Variants in REDIC1 observed in about 807,000 individuals in gnomAD.
REDIC1 encodes the protein regulator of DNA class I crossover intermediates 1.
the REDIC1 span, among the ~76,000 whole-genome samples, chr12:39,686,740 G>C: frequency 6.6e-6 from 1 of 152,164 alleles, no homozygotes; most frequent in Non-Finnish European, 1.5e-5. Flanking sequence ...ACATGGCCAG[G>C]CTGCAAATTT....
At chr12:39,756,240 T>G in the REDIC1 span, 1 of 151,970 alleles carries the variant, frequency 6.6e-6, no homozygotes, top group Non-Finnish European at 1.5e-5. Context: ...AACCACAATT[T>G]AATACATTTT....
the REDIC1 span, among the ~76,000 whole-genome samples, chr12:39,661,409 G>A: frequency 0.13 from 19,214 of 151,916 alleles, 1,365 homozygotes; most frequent in East Asian, 0.17. Flanking sequence ...GACTAGTGAC[G>A]TTGAGCATTT....
At chr12:39,740,457 A>G in the REDIC1 span, among the ~76,000 whole-genome samples, 9 of 152,220 alleles carry the variant, frequency 5.9e-5, no homozygotes, top group Admixed American at 5.9e-4. Context: ...TCAAATTAAT[A>G]GGAAATAGGC....
chr12:39,786,769 G>T, the REDIC1 span, among the ~76,000 whole-genome samples: 1 of 152,150 alleles, frequency 6.6e-6, no homozygotes, highest in Non-Finnish European at 1.5e-5. Context: ...TACTCAAGGG[G>T]TTAAGTGGTC....
At chr12:39,711,946 T>C in the REDIC1 span, among the ~76,000 whole-genome samples, 4 of 128,560 alleles carry the variant, frequency 3.1e-5, 1 homozygote, top group Admixed American at 3.0e-4. Context: ...TATAGACATG[T>C]ATACATACAT....
At chr12:39,882,276 A>G in the REDIC1 span, among the ~76,000 whole-genome samples, 1 of 152,142 alleles carries the variant, frequency 6.6e-6, no homozygotes, top group Non-Finnish European at 1.5e-5. Flanking sequence ...AGAATTTCTG[A>G]TTCAGTAGGT....
the REDIC1 span, among the ~76,000 whole-genome samples, chr12:39,635,733 G>A: frequency 6.6e-6 from 1 of 152,008 alleles, no homozygotes; most frequent in African/African-American, 2.4e-5. Context: ...CATGGCACGT[G>A]TATAGCTACG....
the REDIC1 span, chr12:39,759,861 GTCA>G: frequency 1.8e-6 from 1 of 566,130 alleles, no homozygotes; most frequent in Non-Finnish European, 3.1e-6. Context: ...GAAAAAAAAA[GTCA>G]TCATGGTTGT....
chr12:39,721,054 C>T, the REDIC1 span: 10 of 1,613,676 alleles, frequency 6.2e-6, no homozygotes, highest in Non-Finnish European at 8.5e-6. Context: ...CTGCGTTCTG[C>T]AGGCTGCAAG....
the REDIC1 span, among the ~76,000 whole-genome samples, chr12:39,802,749 A>G: frequency 6.6e-6 from 1 of 152,208 alleles, no homozygotes; most frequent in Non-Finnish European, 1.5e-5. Context: ...AAAGATAGAT[A>G]TGAATATGTA....
the REDIC1 span, among the ~76,000 whole-genome samples, chr12:39,716,558 A>G: frequency 2.0e-5 from 3 of 152,052 alleles, no homozygotes; most frequent in African/African-American, 7.2e-5. Flanking sequence ...AAATCTTTTA[A>G]GGGTAAAATA....
At chr12:39,643,707 C>T in the REDIC1 span, 1 of 1,111,032 alleles carries the variant, frequency 9.0e-7, no homozygotes. Context: ...AACATGATTG[C>T]TTTTTTATTA....
the REDIC1 span, among the ~76,000 whole-genome samples, chr12:39,680,271 A>G: frequency 1.3e-5 from 2 of 152,184 alleles, no homozygotes; most frequent in Admixed American, 6.5e-5. Context: ...AAGGAACTCA[A>G]ATCAGTAAGA....
chr12:39,736,653 A>T, the REDIC1 span: 4 of 152,242 alleles, frequency 2.6e-5, no homozygotes, highest in Non-Finnish European at 5.9e-5. Flanking sequence ...CATGGTTTCC[A>T]AGGCTATGTC....
chr12:39,751,859 A>G, the REDIC1 span, among the ~76,000 whole-genome samples: 1 of 152,182 alleles, frequency 6.6e-6, no homozygotes, highest in Admixed American at 6.5e-5. Flanking sequence ...CAATGAGAAC[A>G]CTTGGACACA....
the REDIC1 span, among the ~76,000 whole-genome samples, chr12:39,712,278 A>G: frequency 1.4e-5 from 2 of 139,916 alleles, no homozygotes; most frequent in Admixed American, 7.2e-5. Flanking sequence ...ATATACATGT[A>G]TATATACCTG....
chr12:39,710,618 G>A, the REDIC1 span, among the ~76,000 whole-genome samples: 1 of 151,676 alleles, frequency 6.6e-6, no homozygotes, highest in African/African-American at 2.4e-5. Flanking sequence ...TCTGAAAATT[G>A]TTGGTTTATT....
At chr12:39,856,237 GCATCCATCCATCCATCCATCCATT>G in the REDIC1 span, among the ~76,000 whole-genome samples, 4 of 151,818 alleles carry the variant, frequency 2.6e-5, no homozygotes, top group African/African-American at 7.3e-5. Flanking sequence ...ATCTATCCAT[GCATCCATCCATCCATCCATCCATT>G]CATCCATCCA....
At chr12:39,878,043 T>C in the REDIC1 span, among the ~76,000 whole-genome samples, 2 of 152,196 alleles carry the variant, frequency 1.3e-5, no homozygotes, top group Non-Finnish European at 2.9e-5. Context: ...TGCTTCTCCT[T>C]TGCCTTCTGC....
Sources: gnomAD v4.1 joint callset for allele counts (sites outside exome capture counted in the v4.1 genomes callset) on GRCh38, gnomAD v4.1.1 for gene constraint, MANE v1.5 for transcripts, NCBI Gene and HGNC (gene_info 2026-07-23, HGNC 2026-07-21) for gene names.